Variants in TAF1 observed in about 807,000 individuals in gnomAD.
TAF1 encodes TATA-box binding protein associated factor 1, also known as transcription initiation factor TFIID subunit 1.
In TAF1, 2 loss-of-function variants were observed where a neutral mutation model predicts 138.5. The ratio of observed to expected loss-of-function variants is 0.01; its 90% CI spans 0.01 to 0.05. The LOEUF (loss-of-function observed/expected upper bound fraction) is 0.05, where lower values mean the gene tolerates loss of function less well. Ranked by LOEUF, TAF1 falls within the 10% of genes least tolerant of loss-of-function variation. The pLI is 1.00. For missense variants in TAF1, 709 were observed against 1,478.0 expected (o/e 0.48, Z 8.53); for synonymous variants, 437 against 503.2 (o/e 0.87, Z 1.76).
intron 13 of TAF1, among the ~76,000 whole-genome samples, chrX:71,493,608 T>G (rs1318851686): frequency 8.9e-6 from 1 of 112,603 alleles, no homozygotes. Flanking sequence ...CTTGTGGAAG[T>G]GCTTTTCAAC....
intron 13 of TAF1, among the ~76,000 whole-genome samples, chrX:71,475,638 A>G (rs890873198): frequency 2.7e-5 from 3 of 111,149 alleles, no homozygotes; most frequent in African/African-American, 9.8e-5. Flanking sequence ...AAAGATTTTC[A>G]AGACTTTTAT....
chrX:71,374,557 C>A (rs1456563272), intron 3 of TAF1, among the ~76,000 whole-genome samples: 1 of 110,695 alleles, frequency 9.0e-6, no homozygotes, highest in African/African-American at 3.3e-5. Flanking sequence ...AACTGTCTCC[C>A]GACCTCAGCC....
At chrX:71,500,496 A>G (rs1324703237) in intron 13 of TAF1, among the ~76,000 whole-genome samples, 9 of 108,091 alleles carry the variant, frequency 8.3e-5, no homozygotes, top group African/African-American at 3.0e-4. Context: ...GAAAGAAAAA[A>G]CCACCCATGG....
At chrX:71,466,247 A>G (rs1307610738), downstream of TAF1, 1 of 111,348 alleles carries the variant, frequency 9.0e-6, no homozygotes, top group African/African-American at 3.3e-5. Context: ...CATGCCACCT[A>G]TTTTTGTTTT....
intron 10 of TAF1, 39 bp downstream of exon 10, chrX:71,382,702 A>G: frequency 8.3e-7 from 1 of 1,204,331 alleles, no homozygotes; most frequent in Non-Finnish European, 1.1e-6. Flanking sequence ...TTAGAAGAAC[A>G]AAGAAAGGTA....
chrX:71,394,286 G>A, intron 22 of TAF1, 41 bp downstream of exon 22: 4 of 1,151,458 alleles, frequency 3.5e-6, no homozygotes, highest in South Asian at 4.3e-5. Context: ...AAAGAGAAGG[G>A]TTAAAAAAGG....
intron 32 of TAF1, among the ~76,000 whole-genome samples, chrX:71,428,809 C>T (rs998296927): frequency 9.0e-6 from 1 of 111,379 alleles, no homozygotes; most frequent in Non-Finnish European, 1.9e-5. Context: ...AAAAGCAGAG[C>T]ACAAAGATGT....
intron 13 of TAF1, among the ~76,000 whole-genome samples, chrX:71,524,344 T>C (rs1021384535): frequency 1.8e-5 from 2 of 110,977 alleles, no homozygotes; most frequent in African/African-American, 6.6e-5. Flanking sequence ...TAATAGTTCT[T>C]ATAGTGTTAT....
At chrX:71,419,537 G>A (rs112479939) in intron 28 of TAF1, among the ~76,000 whole-genome samples, 3 of 100,791 alleles carry the variant, frequency 3.0e-5, no homozygotes, top group African/African-American at 1.0e-4. Context: ...AACAGAAAAA[G>A]AAACACAAAA....
intron 35 of TAF1, chrX:71,459,061 G>C: frequency 1.5e-6 from 1 of 647,782 alleles, no homozygotes; most frequent in Non-Finnish European, 2.2e-6. Flanking sequence ...GGATATCAGG[G>C]AGGAGCATCC....
chrX:71,401,610 C>T lies in TAF1; in HGVS notation c.3869C>T (p.Pro1290Leu). Residue 1290 changes from proline (P) to leucine (L), a missense_variant, in exon 25 of 38, where the codon CCT becomes CTT. Coordinates refer to ENST00000423759, the MANE Select transcript of TAF1 (RefSeq NM_004606.5). ...CTCTATTATCAAACAAATGCGCCAC[C>T]TTCCAACCCTGTTGCCATGACAGAA... ...CPLYYQTNAP[P>L]SNPVAMTEEQ... 8.3e-7 allele frequency: 1 copy of T among 1,211,908 alleles called. No homozygotes were observed. The highest frequency in any genetic ancestry group is 1.1e-6 in the Non-Finnish European group (1 of 895,610).
intron 13 of TAF1, among the ~76,000 whole-genome samples, chrX:71,495,317 G>A (rs759723399): frequency 1.8e-5 from 2 of 111,425 alleles, no homozygotes; most frequent in African/African-American, 3.3e-5. Context: ...TGATGGCCTC[G>A]ATCCTAGAGG....
At chrX:71,454,512 C>T (rs753286209) in intron 33 of TAF1, among the ~76,000 whole-genome samples, 1 of 110,676 alleles carries the variant, frequency 9.0e-6, no homozygotes, top group Non-Finnish European at 1.9e-5. Flanking sequence ...AATCCTGTTC[C>T]CTTGAATGAG....
chrX:71,519,290 T>C (rs1294058631), intron 13 of TAF1, among the ~76,000 whole-genome samples: 2 of 99,543 alleles, frequency 2.0e-5, no homozygotes, highest in Admixed American at 2.2e-4. Flanking sequence ...GCCACTGCAC[T>C]CTAGCCTGGG....
chrX:71,454,444 A>T (rs1024263553), intron 33 of TAF1, among the ~76,000 whole-genome samples: 1 of 111,220 alleles, frequency 9.0e-6, no homozygotes, highest in African/African-American at 3.3e-5. Context: ...CAGCCTGGGC[A>T]ACAGCAAAAC....
At chrX:71,453,391 C>A (rs187770413) in intron 32 of TAF1, among the ~76,000 whole-genome samples, 5 of 67,298 alleles carry the variant, frequency 7.4e-5, no homozygotes, top group Non-Finnish European at 1.2e-4. Context: ...AGACCCCCCC[C>A]CCACCCCCAA....
intron 13 of TAF1, among the ~76,000 whole-genome samples, chrX:71,505,601 A>G: frequency 8.9e-6 from 1 of 112,443 alleles, no homozygotes; most frequent in Non-Finnish European, 1.9e-5. Context: ...TGCTCCTCAG[A>G]ACTATCAAGG....
At chrX:71,407,492 A>T (rs2148484657) in intron 26 of TAF1, 82 bp from the exon 27 acceptor site, 1 of 900,449 alleles carries the variant, frequency 1.1e-6, no homozygotes, top group Non-Finnish European at 1.6e-6. Flanking sequence ...TGCTGGGATT[A>T]CAGGTGTGAG....
intron 29 of TAF1, among the ~76,000 whole-genome samples, chrX:71,422,761 T>C (rs1052802886): frequency 3.6e-5 from 4 of 111,231 alleles, no homozygotes; most frequent in Non-Finnish European, 7.6e-5. Context: ...TTTTTTGAGA[T>C]AGAGCTTCGC....
Sources: allele counts gnomAD v4.1 joint callset (sites outside exome capture counted in the v4.1 genomes callset), GRCh38; gene constraint gnomAD v4.1.1; transcripts MANE v1.5; gene names NCBI Gene and HGNC (gene_info 2026-07-23, HGNC 2026-07-21).